PLEK: variants seen among roughly 807,000 people sequenced by gnomAD.
PLEK encodes platelet 47 kDa protein.
PLEK carries 25 observed loss-of-function variants against 43.9 expected under a neutral mutation model. The ratio of observed to expected loss-of-function variants is 0.57; its 90% CI spans 0.41 to 0.79. The LOEUF is 0.79. Ranked by LOEUF, PLEK falls within the 30% of genes least tolerant of loss-of-function variation. PLEK has a pLI of 0.00. For missense variants in PLEK, 396 were observed against 413.3 expected, an observed-to-expected ratio of 0.96 and a Z score of 0.36; for synonymous variants, 152 against 144.4, an observed-to-expected ratio of 1.05 and a Z score of -0.38.
In PLEK at chr2:68,382,519, TTTGC is replaced by T. The variant is rs914928474; in HGVS notation, c.381-20_381-17del. ...GGGTTTTTTTTTGTTTGTTTGTTTGTTTGCTTTTTTATCTCTGTGCAGTGCCTTA... is the reference window on the plus strand; with the variant it reads ...GGGTTTTTTTTTGTTTGTTTGTTTGTTTTTTTATCTCTGTGCAGTGCCTTA... On this transcript the variant is annotated intron_variant, in intron 3 of 8. Coordinates refer to ENST00000234313, the MANE Select transcript of PLEK (RefSeq NM_002664.3). The T allele has an allele frequency of 4.4e-6, 6 of 1,369,282 alleles. No homozygotes were observed. The highest frequency in any genetic ancestry group is 4.4e-5 in the African/African-American group (3 of 68,896). 84.8% of individuals were successfully genotyped at this position (1,369,282 alleles called of 1,614,324 possible).
chr2:68,387,372 C>T (rs188467233), intron 5 of PLEK, among the ~76,000 whole-genome samples: 8 of 152,314 alleles, frequency 5.3e-5, no homozygotes, highest in African/African-American at 1.9e-4. Context: ...CGTAGACAAG[C>T]GTACTGGAGG....
At position 68,380,818 on chromosome 2, in the gene PLEK, G is replaced by A. The variant is rs1249878024; in HGVS notation, c.294G>A (p.Lys98=). ...ATGCCTGGGTTCGGGATATCAAGAA[G>A]GCCATTAAATGCATTGAAGGAGGCC... ...ERDAWVRDIK[K]AIKCIEGGQK... is the part of the protein sequence containing the mutation. The change falls in exon 3 of 9, where the codon AAG becomes AAA. Residue 98 remains lysine (K), a synonymous_variant. Coordinates refer to ENST00000234313, the MANE Select transcript of PLEK (RefSeq NM_002664.3). The A allele has an allele frequency of 6.2e-7, 1 of 1,614,010 alleles. No individual in the cohort carries two copies. The highest frequency in any genetic ancestry group is 2.2e-5 in the East Asian group (1 of 44,874).
At chr2:68,392,114 C>T (rs75145350) in intron 6 of PLEK, among the ~76,000 whole-genome samples, 3,543 of 152,054 alleles carry the variant, frequency 0.023, 76 homozygotes, top group African/African-American at 0.045. Flanking sequence ...TCTTCTTCTT[C>T]TTTCTTTCTT....
At chr2:68,394,244 G>T (rs980248899) in intron 8 of PLEK, 68 bp downstream of exon 8, 1 of 892,180 alleles carries the variant, frequency 1.1e-6, no homozygotes. Flanking sequence ...GGACATCCTG[G>T]GCCAACATTA....
At chr2:68,369,381 T>A (rs1304520858) in intron 1 of PLEK, among the ~76,000 whole-genome samples, 1 of 152,092 alleles carries the variant, frequency 6.6e-6, no homozygotes, top group African/African-American at 2.4e-5. Flanking sequence ...GGGCTCGTAC[T>A]GCAGTGACAT....
intron 6 of PLEK, among the ~76,000 whole-genome samples, chr2:68,390,950 AC>A (rs1673846406): frequency 6.6e-6 from 1 of 152,204 alleles, no homozygotes; most frequent in African/African-American, 2.4e-5. Flanking sequence ...TTAATTCTCA[AC>A]CACATTTAGA....
At chr2:68,383,408 T>C (rs1217263233) in intron 4 of PLEK, among the ~76,000 whole-genome samples, 1 of 152,062 alleles carries the variant, frequency 6.6e-6, no homozygotes, top group Non-Finnish European at 1.5e-5. Flanking sequence ...GTACCCAAAT[T>C]TGACCCTGAA....
intron 1 of PLEK, among the ~76,000 whole-genome samples, chr2:68,377,106 T>C (rs1209701699): frequency 6.6e-6 from 1 of 152,196 alleles, no homozygotes; most frequent in Admixed American, 6.5e-5. Context: ...CAGGACCTTC[T>C]TTTTTATGGC....
chr2:68,370,324 T>C (rs1484884532), intron 1 of PLEK, among the ~76,000 whole-genome samples: 2 of 152,182 alleles, frequency 1.3e-5, no homozygotes, highest in Non-Finnish European at 2.9e-5. Context: ...CCCTCAGCCA[T>C]TGGTTGTAGC....
chr2:68,380,218 C>G (rs1392505909), intron 1 of PLEK, 110 bp from the exon 2 acceptor site: 3 of 863,504 alleles, frequency 3.5e-6, no homozygotes, highest in Non-Finnish European at 5.3e-6. Flanking sequence ...ATGATGTCAC[C>G]AAACATTTTA....
chr2:68,384,851 G>A (rs1673704806), intron 4 of PLEK, among the ~76,000 whole-genome samples: 1 of 152,202 alleles, frequency 6.6e-6, no homozygotes, highest in African/African-American at 2.4e-5. Context: ...TCCTTAAAAT[G>A]AGGACTGCAA....
chr2:68,377,253 T>C lies in PLEK; in HGVS notation c.43-3075T>C, dbSNP rs1204419466. On this transcript the variant is annotated intron_variant, in intron 1 of 8. Coordinates refer to ENST00000234313, the MANE Select transcript of PLEK (RefSeq NM_002664.3). Reference sequence around the variant, plus strand: ...CATGGGAGTGCAGATATCTCATCCATATACCGATTTCCTTTCTTTACAGTA... The same window carrying C: ...CATGGGAGTGCAGATATCTCATCCACATACCGATTTCCTTTCTTTACAGTA... 3.3e-5 allele frequency among the ~76,000 whole-genome samples: 5 copies of C among 152,332 alleles called. No homozygotes were observed. The South Asian group carries it at 8.3e-4, about 25-fold the overall frequency.
At chr2:68,386,473 T>A (rs373699882) in intron 4 of PLEK, 29 bp from the exon 5 acceptor site, 1 of 1,591,786 alleles carries the variant, frequency 6.3e-7, no homozygotes, top group South Asian at 1.1e-5. Flanking sequence ...GTAAGGAGAG[T>A]TAACCTTCCC....
intron 1 of PLEK, among the ~76,000 whole-genome samples, chr2:68,367,029 G>A (rs777146018): frequency 2.6e-5 from 4 of 152,210 alleles, no homozygotes; most frequent in Admixed American, 6.5e-5. Flanking sequence ...TGTCAAGCAT[G>A]TGGATTTAAA....
chr2:68,369,628 C>T (rs1673354880), intron 1 of PLEK, among the ~76,000 whole-genome samples: 1 of 152,066 alleles, frequency 6.6e-6, no homozygotes, highest in Non-Finnish European at 1.5e-5. Context: ...ATGTATACTA[C>T]ATGCTGGCCA....
At chr2:68,378,916 T>G (rs1048148856) in intron 1 of PLEK, among the ~76,000 whole-genome samples, 2 of 151,784 alleles carry the variant, frequency 1.3e-5, no homozygotes, top group Non-Finnish European at 2.9e-5. Context: ...GAACACGAGA[T>G]CAGGAGTTCA....
Position 68,380,903 on chromosome 2 carries a change from G to C in PLEK, c.379G>C (p.Gly127Arg), listed in dbSNP as rs1673601148. ...TCGACTGCCAGAAACCATTGACTTAGGGTGATTTTCTGTGTTTACTTCTCT... is the reference window on the plus strand; with the variant it reads ...TCGACTGCCAGAAACCATTGACTTACGGTGATTTTCTGTGTTTACTTCTCT... ...SIRLPETIDLGALYLSMKDTE... is the reference protein window; with the variant it reads ...SIRLPETIDLRALYLSMKDTE... Residue 127 changes from glycine (G) to arginine (R), a missense_variant and splice_region_variant, in exon 3 of 9, where the codon GGT becomes CGT. By Grantham distance (125) the Gly-to-Arg change is moderately radical. Transcript: ENST00000234313. 6.2e-7 allele frequency: 1 copy of C among 1,612,138 alleles called. No individual in the cohort carries two copies.
chr2:68,370,210 T>G (rs1673372271), intron 1 of PLEK, among the ~76,000 whole-genome samples: 1 of 152,240 alleles, frequency 6.6e-6, no homozygotes, highest in Non-Finnish European at 1.5e-5. Flanking sequence ...ATACATTGTA[T>G]GTGAAAAGAG....
intron 1 of PLEK, among the ~76,000 whole-genome samples, chr2:68,369,732 T>A (rs190833352): frequency 6.6e-6 from 1 of 152,318 alleles, no homozygotes; most frequent in East Asian, 1.9e-4. Context: ...GTGAGGAGAC[T>A]CATGCTTGGA....
Sources: gnomAD v4.1 joint callset for allele counts (sites outside exome capture counted in the v4.1 genomes callset) on GRCh38, gnomAD v4.1.1 for gene constraint, MANE v1.5 for transcripts, NCBI Gene and HGNC (gene_info 2026-07-23, HGNC 2026-07-21) for gene names.